The following AKAP13 variants were observed in gnomAD, a reference collection of about 807,000 sequenced individuals.
AKAP13 encodes A-kinase anchor protein 13.
In AKAP13, 80 loss-of-function variants were observed where a neutral mutation model predicts 264.5. That is an observed-to-expected ratio of 0.30 (90% CI 0.25 to 0.36). AKAP13 has a LOEUF of 0.36. Among genes scored for constraint, AKAP13 ranks in the 10% least tolerant of loss-of-function variants. The probability of loss-of-function intolerance (pLI) is 1.00; values close to 1 mark genes in which losing one functional copy is unlikely to be tolerated. For missense variants in AKAP13, 3,712 were observed against 3,435.2 expected (o/e 1.08, Z -2.01); for synonymous variants, 1,380 against 1,250.2 (o/e 1.10, Z -2.19).
chr15:85,666,774 A>T lies in AKAP13; in HGVS notation c.4992+2019A>T, dbSNP rs35483124. The stretch of plus-strand genomic sequence containing the variant: ...AATTTCTGCTGCTACCAGTCTCTTG[A>T]AACTCCTGTCTTGAAGGTCATGGAT... On this transcript the variant is annotated intron_variant, in intron 13 of 36. Coordinates refer to ENST00000394518, the MANE Select transcript of AKAP13 (RefSeq NM_007200.5). Among the ~76,000 whole-genome samples the T allele has an allele frequency of 5.1e-3, 777 of 152,270 alleles. 15 individuals are homozygous for T. The highest frequency in any genetic ancestry group is 0.011 in the East Asian group (56 of 5,180).
intron 1 of AKAP13, among the ~76,000 whole-genome samples, chr15:85,401,306 C>CT (rs2071410823): frequency 9.2e-5 from 1 of 10,824 alleles, no homozygotes; most frequent in Non-Finnish European, 2.2e-4. Flanking sequence ...GATTATTGAA[C>CT]TGTTAGTTTC....
rs1476976649 is a variant in AKAP13, at chr15:85,747,152, C to CGGTG, written c.*2475_*2476insGGTG. ...AGTGCCCGGAATTCCCTCAAACCAC[C>CGGTG]CAACTTCATCCAGGAATACAGTCTG... On this transcript the variant is annotated 3_prime_UTR_variant, in exon 37 of 37. Transcript: ENST00000394518. 2.0e-5 allele frequency: 3 copies of CGGTG among 152,184 alleles called. No homozygotes were observed. Among genetic ancestry groups the CGGTG allele is most frequent in the Non-Finnish European group, 4.4e-5 (3 of 68,060 alleles). 9.4% of individuals were successfully genotyped at this position (152,184 alleles called of 1,614,324 possible).
At chr15:85,582,140 G>T in intron 7 of AKAP13, 33 bp downstream of exon 7, 1 of 1,537,894 alleles carries the variant, frequency 6.5e-7, no homozygotes, top group South Asian at 1.2e-5. Flanking sequence ...TTAACAGTCT[G>T]AGAAGCAGAT....
In AKAP13 at chr15:85,746,987, T is replaced by C. The variant is rs1047995025; in HGVS notation, c.*2310T>C. 1 of 152,236 alleles carries C rather than the reference T, an allele frequency of 6.6e-6. No homozygotes were observed. Among genetic ancestry groups the C allele is most frequent in the African/African-American group, 2.4e-5 (1 of 41,456 alleles). The allele number at this position is 152,236 out of a possible 1,614,324, so 9.4% of individuals were successfully genotyped here. A position where few individuals can be genotyped will look rare whatever the true frequency, so the allele number is the denominator to read the frequency against. ...CTTGACATCAATGTTAGAGGGTCTC[T>C]TACTCCCCGCCCAGCTGTGATGTTT... On this transcript the variant is annotated 3_prime_UTR_variant, in exon 37 of 37. Transcript: ENST00000394518.
chr15:85,630,014 A>G (rs894033546), intron 8 of AKAP13, among the ~76,000 whole-genome samples: 2 of 151,612 alleles, frequency 1.3e-5, no homozygotes, highest in Non-Finnish European at 2.9e-5. Context: ...TCCTGAGCTC[A>G]CAGTTGCCAA....
At chr15:85,688,962 T>G (rs2085102490) in intron 16 of AKAP13, among the ~76,000 whole-genome samples, 2 of 152,202 alleles carry the variant, frequency 1.3e-5, no homozygotes, top group Middle Eastern at 3.2e-3. Context: ...ATATGCATGG[T>G]GTTCGAGTTC....
At chr15:85,695,137 G>T (rs2085496279) in intron 17 of AKAP13, among the ~76,000 whole-genome samples, 1 of 152,116 alleles carries the variant, frequency 6.6e-6, no homozygotes, top group Admixed American at 6.6e-5. Flanking sequence ...AGGCGTGGTG[G>T]CTCACGACTA....
chr15:85,631,941 T>A (rs926759970), intron 8 of AKAP13, among the ~76,000 whole-genome samples: 13 of 152,316 alleles, frequency 8.5e-5, no homozygotes, highest in Admixed American at 6.5e-4. Context: ...ATAAGTTGTC[T>A]CTTTGTGGTC....
intron 16 of AKAP13, chr15:85,691,869 A>T (rs1371689537): frequency 2.0e-6 from 1 of 493,036 alleles, no homozygotes; most frequent in Non-Finnish European, 4.0e-6. Flanking sequence ...AAGAGGTCAG[A>T]GAGCACGGCG....
intron 1 of AKAP13, among the ~76,000 whole-genome samples, chr15:85,392,243 C>G (rs539605009): frequency 6.8e-6 from 1 of 147,696 alleles, no homozygotes; most frequent in African/African-American, 2.5e-5. Context: ...AAATGTGAGC[C>G]CTTAATAATT....
Position 85,580,578 on chromosome 15 carries a change from C to G in AKAP13, c.2510C>G (p.Thr837Arg). The stretch of plus-strand genomic sequence containing the variant: ...GATGGAAATTCGAATGAGCCTGATA[C>G]GCGGCCACTAGAAGACAGGGCAGTA... The part of the protein sequence containing the change: ...GPDGNSNEPD[T>R]RPLEDRAVGL... Residue 837 changes from threonine to arginine, a missense_variant, in exon 7 of 37, where the codon ACG (threonine) becomes AGG (arginine). Transcript: ENST00000394518. 1 of 1,614,158 alleles carries G rather than the reference C, an allele frequency of 6.2e-7. No individual in the cohort carries two copies. Among genetic ancestry groups the G allele is most frequent in the Non-Finnish European group, 8.5e-7 (1 of 1,180,018 alleles).
intron 2 of AKAP13, among the ~76,000 whole-genome samples, chr15:85,504,283 G>C (rs939157003): frequency 6.6e-6 from 1 of 152,030 alleles, no homozygotes; most frequent in South Asian, 2.1e-4. Flanking sequence ...TCTGGGAGAG[G>C]AGAGAGGAGA....
At chr15:85,453,969 C>G (rs1258088186) in intron 1 of AKAP13, among the ~76,000 whole-genome samples, 2 of 152,230 alleles carry the variant, frequency 1.3e-5, no homozygotes, top group African/African-American at 4.8e-5. Context: ...AGCACAGATT[C>G]TCCAAAGCAC....
In AKAP13 at chr15:85,723,287, G is replaced by A; in HGVS notation, c.6712G>A (p.Val2238Met). ...GAAGAAGCTTGTACGTGATGGGAGT[G>A]TGTTTCTGAAGAATGCAGCAGGAAG... ...KRKKLVRDGS[V>M]FLKNAAGRLK... Residue 2238 changes from valine to methionine, a missense_variant, in exon 26 of 37, where the codon GTG becomes ATG. Physicochemically the swap from Val to Met is conservative, Grantham distance 21. Transcript: ENST00000394518. 6.2e-7 allele frequency: 1 copy of A among 1,614,142 alleles called. No homozygotes were observed. The highest frequency in any genetic ancestry group is 8.5e-7 in the Non-Finnish European group (1 of 1,179,980).
rs144644840 is a variant in AKAP13 at position 85,598,437 on chromosome 15, C to T, written c.4161+12614C>T. Reference sequence around the variant, plus strand: ...GGGAAGCCACAGACTGACTTGTCAGCGGGAGAGGCATGGAAAAAACATATG... The same window carrying T: ...GGGAAGCCACAGACTGACTTGTCAGTGGGAGAGGCATGGAAAAAACATATG... On this transcript the variant is annotated intron_variant, in intron 8 of 36. Transcript: ENST00000394518. Among the ~76,000 whole-genome samples the T allele has an allele frequency of 6.6e-5, 10 of 152,264 alleles. No individual in the cohort carries two copies. In the South Asian group the frequency reaches 1.2e-3, roughly 19 times the overall value.
At chr15:85,679,118 G>A (rs1465727631) in intron 14 of AKAP13, among the ~76,000 whole-genome samples, 1 of 151,990 alleles carries the variant, frequency 6.6e-6, no homozygotes, top group Non-Finnish European at 1.5e-5. Flanking sequence ...GCGGGCTCCT[G>A]TAATCCCAGC....
intron 29 of AKAP13, among the ~76,000 whole-genome samples, chr15:85,729,723 G>A (rs1456588700): frequency 6.6e-6 from 1 of 152,026 alleles, no homozygotes; most frequent in Non-Finnish European, 1.5e-5. Flanking sequence ...GATCACCCAA[G>A]GTCTGGAGTT....
chr15:85,515,667 G>A (rs1177357648), intron 2 of AKAP13, among the ~76,000 whole-genome samples: 1 of 138,186 alleles, frequency 7.2e-6, no homozygotes, highest in African/African-American at 2.9e-5. Flanking sequence ...ATTTTCTGAA[G>A]AGTTACAGAC....
intron 8 of AKAP13, among the ~76,000 whole-genome samples, chr15:85,588,794 G>A (rs973850707): frequency 5.3e-5 from 8 of 152,194 alleles, no homozygotes; most frequent in African/African-American, 9.7e-5. Flanking sequence ...AGCTGGAAGA[G>A]TTTGAGGTTT....
Sources: allele counts gnomAD v4.1 joint callset (sites outside exome capture counted in the v4.1 genomes callset), GRCh38; gene constraint gnomAD v4.1.1; transcripts MANE v1.5; gene names NCBI Gene and HGNC (gene_info 2026-07-23, HGNC 2026-07-21).